ITGAM: variants seen among roughly 807,000 people sequenced by gnomAD.
ITGAM encodes integrin subunit alpha M.
Under a neutral mutation model 137.5 loss-of-function variants are expected in ITGAM, and 79 were observed. The observed-to-expected ratio is 0.57, with a 90% CI of 0.48 to 0.69. The LOEUF is 0.69. Among genes scored for constraint, ITGAM ranks in the 30% least tolerant of loss-of-function variants. The probability of loss-of-function intolerance (pLI) is 0.00; values close to 1 mark genes in which losing one functional copy is unlikely to be tolerated. For missense variants in ITGAM, 1,343 were observed against 1,483.5 expected (o/e 0.91, Z 1.56); for synonymous variants, 583 against 592.3 (o/e 0.98, Z 0.23).
At chr16:31,317,131 T>A (rs1338826514) in intron 14 of ITGAM, among the ~76,000 whole-genome samples, 1 of 152,236 alleles carries the variant, frequency 6.6e-6, no homozygotes. Context: ...CTTTCAGTAC[T>A]GTGTTGAAAT....
At chr16:31,266,652 G>A (rs1183549229) in intron 5 of ITGAM, among the ~76,000 whole-genome samples, 1 of 151,948 alleles carries the variant, frequency 6.6e-6, no homozygotes, top group Non-Finnish European at 1.5e-5. Context: ...TGAAGCTGCA[G>A]CAAGTTATGA....
chr16:31,292,951 T>C (rs1456654622), intron 12 of ITGAM, among the ~76,000 whole-genome samples: 1 of 152,170 alleles, frequency 6.6e-6, no homozygotes, highest in Admixed American at 6.5e-5. Context: ...CTAATAGCCA[T>C]TCTAACTGGT....
At chr16:31,284,284 G>T (rs1182887215) in intron 12 of ITGAM, among the ~76,000 whole-genome samples, 1 of 152,226 alleles carries the variant, frequency 6.6e-6, no homozygotes. Flanking sequence ...GTCTGCAGAA[G>T]TTTCTGCTGC....
At position 31,266,005 on chromosome 16, in the gene ITGAM, C is replaced by G. The variant is rs747350545; in HGVS notation, c.310-25C>G. 1.9e-6 allele frequency: 3 copies of G among 1,601,228 alleles called. 1 individual carries two copies. Among genetic ancestry groups the G allele is most frequent in the East Asian group, 2.2e-5 (1 of 44,802 alleles). On this transcript the variant is annotated intron_variant, in intron 4 of 29. Transcript: ENST00000544665. ...ACAAGGACAGGAAGCAGGGGCAGCC[C>G]CTTCCACTGGCTCCTGTCCCCTAGG...
At chr16:31,281,973 T>C (rs892219700) in intron 12 of ITGAM, among the ~76,000 whole-genome samples, 4 of 152,254 alleles carry the variant, frequency 2.6e-5, no homozygotes, top group Admixed American at 2.0e-4. Flanking sequence ...CATTTTGTTA[T>C]GTATCCAGTA....
chr16:31,282,537 C>A (rs1004408947), intron 12 of ITGAM, among the ~76,000 whole-genome samples: 1 of 152,178 alleles, frequency 6.6e-6, no homozygotes, highest in East Asian at 1.9e-4. Context: ...ACTAGGATTG[C>A]AACCCCTGGT....
At chr16:31,330,476 T>A (rs936005457) in intron 27 of ITGAM, 28 bp from the exon 28 acceptor site, 1 of 1,611,098 alleles carries the variant, frequency 6.2e-7, no homozygotes, top group African/African-American at 1.3e-5. Context: ...AGGGCCCAGG[T>A]GCAGTGCCCA....
intron 5 of ITGAM, among the ~76,000 whole-genome samples, chr16:31,266,417 T>TAA (rs11331941): frequency 2.3e-5 from 3 of 129,608 alleles, no homozygotes; most frequent in Admixed American, 7.8e-5. Flanking sequence ...ATCCTGTCTC[T>TAA]AAAAAAAAAA....
chr16:31,324,675 C>T lies in ITGAM; in HGVS notation c.2182C>T (p.Pro728Ser). 6.2e-7 allele frequency: 1 copy of T among 1,601,542 alleles called. No homozygotes were observed. The highest frequency in any genetic ancestry group is 8.5e-7 in the Non-Finnish European group (1 of 1,173,954). ...LPNCIEDPVS[P>S]IVLRLNFSLV... ...GAATTGCATCGAGGACCCAGTGAGCCCCATTGTGCTGCGCCTGAACTTCTC... is the reference window on the plus strand; with the variant it reads ...GAATTGCATCGAGGACCCAGTGAGCTCCATTGTGCTGCGCCTGAACTTCTC... The change falls in exon 18 of 30, where the codon CCC becomes TCC. Residue 728 changes from proline to serine, a missense_variant. Pro to Ser is a moderately conservative substitution (Grantham distance 74). Transcript: ENST00000544665. The surrounding 1 kb of genome is among the most constrained non-coding windows in gnomAD (Gnocchi z 4.5).
At chr16:31,282,236 C>T (rs549415599) in intron 12 of ITGAM, among the ~76,000 whole-genome samples, 241 of 152,042 alleles carry the variant, frequency 1.6e-3, no homozygotes, top group African/African-American at 4.7e-3. Flanking sequence ...CTATTAGGTC[C>T]GCTTGGTGCA....
intron 14 of ITGAM, 106 bp downstream of exon 14, chr16:31,298,060 C>G (rs2080155924): frequency 1.1e-6 from 1 of 909,944 alleles, no homozygotes; most frequent in African/African-American, 1.7e-5. Flanking sequence ...GTACTCCTTT[C>G]AGAACCTTCA....
intron 14 of ITGAM, among the ~76,000 whole-genome samples, chr16:31,311,759 A>G (rs1214495966): frequency 2.0e-5 from 3 of 152,216 alleles, no homozygotes; most frequent in African/African-American, 7.2e-5. Context: ...TGGAAATACC[A>G]TCTGACCCAG....
chr16:31,316,541 G>A (rs975474182), intron 14 of ITGAM, among the ~76,000 whole-genome samples: 4 of 151,966 alleles, frequency 2.6e-5, no homozygotes, highest in Non-Finnish European at 5.9e-5. Context: ...TTGATGTCAG[G>A]TAGTGTGATA....
intron 16 of ITGAM, among the ~76,000 whole-genome samples, chr16:31,323,058 AAATAGGAAAGATGGAATAGGAAAGACAG>A (rs542302687): frequency 1.6e-4 from 25 of 152,184 alleles, no homozygotes; most frequent in Admixed American, 4.6e-4. Flanking sequence ...GAGAGAAAGA[AAATAGGAAAGATGGAATAGGAAAGACAG>A]AATAGGAAAG....
At chr16:31,304,187 T>TTA (rs2080243591) in intron 14 of ITGAM, among the ~76,000 whole-genome samples, 1 of 152,190 alleles carries the variant, frequency 6.6e-6, no homozygotes, top group Non-Finnish European at 1.5e-5. Flanking sequence ...TTTATTGTGG[T>TTA]TTTAATTTGC....
chr16:31,292,593 TC>T (rs1199167917), intron 12 of ITGAM, among the ~76,000 whole-genome samples: 3 of 152,120 alleles, frequency 2.0e-5, no homozygotes, highest in African/African-American at 7.2e-5. Flanking sequence ...AAAGACATGA[TC>T]TTGCTATTTT....
In ITGAM at chr16:31,331,701, C is replaced by G. The variant is rs769617692; in HGVS notation, c.3453C>G (p.Pro1151=). The G allele has an allele frequency of 6.2e-7, 1 of 1,603,358 alleles. No homozygotes were observed. The highest frequency in any genetic ancestry group is 8.5e-7 in the Non-Finnish European group (1 of 1,175,112). Residue 1151 remains proline (P), a synonymous_variant, in exon 30 of 30, where the codon CCC becomes CCG. Coordinates refer to ENST00000544665, the MANE Select transcript of ITGAM (RefSeq NM_000632.4). The part of the protein sequence containing the change: ...MSEGGPPGAE[P]Q ...AAGGGGGTCCCCCGGGGGCCGAACC[C>G]CAGTAGCGGCTCCTTCCCGACAGAG...
chr16:31,315,959 C>A (rs150899030), intron 14 of ITGAM, among the ~76,000 whole-genome samples: 1 of 151,490 alleles, frequency 6.6e-6, no homozygotes, highest in Non-Finnish European at 1.5e-5. Flanking sequence ...CTTTGGAAGG[C>A]TGAGGCGGGT....
chr16:31,328,121 G>A (rs370298050), intron 22 of ITGAM, 26 bp from the exon 23 acceptor site: 16 of 1,577,252 alleles, frequency 1.0e-5, no homozygotes, highest in Non-Finnish European at 1.1e-5. Context: ...CTCAAGAGCC[G>A]GCTGGAGCTC....
Sources: allele counts gnomAD v4.1 joint callset (sites outside exome capture counted in the v4.1 genomes callset), GRCh38; gene constraint gnomAD v4.1.1; non-coding constraint Gnocchi (gnomAD v3.1); transcripts MANE v1.5; gene names NCBI Gene and HGNC (gene_info 2026-07-23, HGNC 2026-07-21).